The following UBA6 variants were observed in gnomAD, a reference collection of about 807,000 sequenced individuals.
UBA6 encodes ubiquitin like modifier activating enzyme 6, also known as ubiquitin-like modifier-activating enzyme 6.
In UBA6, 87 loss-of-function variants were observed where a neutral mutation model predicts 148.3. The ratio of observed to expected loss-of-function variants is 0.59; its 90% confidence interval spans 0.49 to 0.70. UBA6 has a LOEUF of 0.70. UBA6 is among the 30% of genes least tolerant of loss of function. UBA6 has a pLI of 0.00. For synonymous variants in UBA6, 376 were observed against 401.0 expected (o/e 0.94, Z 0.75); for missense variants, 1,186 against 1,241.2 (o/e 0.96, Z 0.67).
chr4:67,652,029 GC>G, intron 13 of UBA6, among the ~76,000 whole-genome samples: 1 of 152,076 alleles, frequency 6.6e-6, no homozygotes, highest in Admixed American at 6.5e-5. Context: ...TGCACCATAT[GC>G]AAAAATGAAC....
chr4:67,686,953 A>T (rs1240325384), intron 2 of UBA6, among the ~76,000 whole-genome samples: 4 of 24,898 alleles, frequency 1.6e-4, no homozygotes, highest in Non-Finnish European at 2.6e-4. Context: ...TCCTGTCTCT[A>T]AAAAAAAAAA....
chr4:67,671,480 G>A (rs1341714066), intron 7 of UBA6, among the ~76,000 whole-genome samples: 3 of 150,868 alleles, frequency 2.0e-5, no homozygotes, highest in Non-Finnish European at 3.0e-5. Flanking sequence ...CAGAAACTTA[G>A]AAGCTTTTTT....
At chr4:67,699,762 C>A (rs930616007) in intron 1 of UBA6, among the ~76,000 whole-genome samples, 2 of 152,062 alleles carry the variant, frequency 1.3e-5, no homozygotes, top group Non-Finnish European at 2.9e-5. Context: ...TCACCTACGC[C>A]CAGCTAATTT....
chr4:67,660,131 A>T (rs1729812438), intron 13 of UBA6, among the ~76,000 whole-genome samples: 1 of 152,340 alleles, frequency 6.6e-6, no homozygotes, highest in African/African-American at 2.4e-5. Flanking sequence ...TTTATGTTTA[A>T]AAGAGAAGCA....
rs1412303783 is a variant in UBA6, at chr4:67,618,495, CACCACT to C, written c.*496_*501del. 1 of 152,600 alleles carries C rather than the reference CACCACT, an allele frequency of 6.6e-6. No homozygotes were observed. The highest frequency in any genetic ancestry group is 1.5e-5 in the Non-Finnish European group (1 of 68,164). 9.5% of individuals were successfully genotyped at this position (152,600 alleles called of 1,614,324 possible). A position where few individuals can be genotyped will look rare whatever the true frequency, so the allele number is the denominator to read the frequency against. On this transcript the variant is annotated 3_prime_UTR_variant, in exon 33 of 33. Coordinates refer to ENST00000322244, the MANE Select transcript of UBA6 (RefSeq NM_018227.6). Reference sequence around the variant, plus strand: ...CAATTTAAAATATCCACCCTTCATCCACCACTACCATACTTCTTCCCAGTGGTATTA... The same window carrying C: ...CAATTTAAAATATCCACCCTTCATCCACCATACTTCTTCCCAGTGGTATTA...
At chr4:67,652,975 A>G (rs1308047453) in intron 13 of UBA6, among the ~76,000 whole-genome samples, 2 of 152,170 alleles carry the variant, frequency 1.3e-5, no homozygotes, top group Non-Finnish European at 2.9e-5. Context: ...GCGGGCATAC[A>G]GGTGTCCGCC....
chr4:67,628,364 A>G (rs1344580040), intron 27 of UBA6, among the ~76,000 whole-genome samples: 1 of 151,880 alleles, frequency 6.6e-6, no homozygotes, highest in Non-Finnish European at 1.5e-5. Flanking sequence ...CTTCTAGACG[A>G]GTCCTGACCT....
chr4:67,668,087 A>G (rs1404611581), intron 9 of UBA6, among the ~76,000 whole-genome samples: 1 of 152,166 alleles, frequency 6.6e-6, no homozygotes, highest in African/African-American at 2.4e-5. Context: ...TTGACTGACC[A>G]TGTAGAAATC....
intron 19 of UBA6, among the ~76,000 whole-genome samples, chr4:67,636,654 G>A (rs1467659773): frequency 1.3e-5 from 2 of 152,218 alleles, no homozygotes; most frequent in African/African-American, 4.8e-5. Context: ...TCGGCCTCCC[G>A]AAGTGCTGGG....
intron 6 of UBA6, among the ~76,000 whole-genome samples, chr4:67,675,136 T>C (rs1184285001): frequency 1.3e-5 from 2 of 152,236 alleles, no homozygotes; most frequent in Admixed American, 1.3e-4. Flanking sequence ...TCCAAAGTGC[T>C]GGGATATTTT....
At chr4:67,628,577 A>G (rs1728924725) in intron 27 of UBA6, among the ~76,000 whole-genome samples, 1 of 151,704 alleles carries the variant, frequency 6.6e-6, no homozygotes, top group Non-Finnish European at 1.5e-5. Flanking sequence ...TTACACTCAC[A>G]CTGCAATATT....
At chr4:67,651,388 A>G (rs557184110) in intron 13 of UBA6, among the ~76,000 whole-genome samples, 7 of 152,326 alleles carry the variant, frequency 4.6e-5, no homozygotes, top group Non-Finnish European at 8.8e-5. Context: ...AACTTTACTG[A>G]ATAATCAACT....
intron 26 of UBA6, 116 bp from the exon 27 acceptor site, chr4:67,629,258 A>C: frequency 1.5e-6 from 1 of 669,636 alleles, no homozygotes; most frequent in South Asian, 1.7e-5. Flanking sequence ...CATTATCTGA[A>C]TATGTAGACA....
intron 28 of UBA6, among the ~76,000 whole-genome samples, chr4:67,625,698 A>G (rs934318413): frequency 1.3e-5 from 2 of 151,884 alleles, no homozygotes; most frequent in Non-Finnish European, 2.9e-5. Context: ...ATTCTGGGTT[A>G]TTTTTCCTGA....
chr4:67,631,937 C>T, intron 23 of UBA6, 29 bp from the exon 24 acceptor site: 1 of 1,594,146 alleles, frequency 6.3e-7, no homozygotes, highest in Non-Finnish European at 8.6e-7. Context: ...TTAAAGACAC[C>T]CACTACTTAA....
chr4:67,678,981 G>C (rs1231388525), intron 4 of UBA6, among the ~76,000 whole-genome samples: 1 of 152,082 alleles, frequency 6.6e-6, no homozygotes, highest in African/African-American at 2.4e-5. Flanking sequence ...CACACTATTT[G>C]TAAGAGCAAA....
In UBA6 at chr4:67,649,053, A is replaced by C; in HGVS notation, c.1248+15T>G. On this transcript the variant is annotated intron_variant, in intron 14 of 32. Transcript: ENST00000322244. Reference sequence around the variant, plus strand: ...TCACGAGTAAAGAATTCAACTTTAAAAACTCAGAACTAACCCACTGGCACA... The same window carrying C: ...TCACGAGTAAAGAATTCAACTTTAACAACTCAGAACTAACCCACTGGCACA... The C allele has an allele frequency of 6.2e-7, 1 of 1,604,386 alleles. No homozygotes were observed. The highest frequency in any genetic ancestry group is 8.5e-7 in the Non-Finnish European group (1 of 1,177,028).
chr4:67,689,435 G>A (rs1730645385), intron 2 of UBA6, among the ~76,000 whole-genome samples: 1 of 151,966 alleles, frequency 6.6e-6, no homozygotes, highest in South Asian at 2.1e-4. Context: ...TTAATTTTCA[G>A]GAAAAATGAA....
chr4:67,650,150 G>A (rs887209157), intron 13 of UBA6, among the ~76,000 whole-genome samples: 2 of 152,028 alleles, frequency 1.3e-5, no homozygotes, highest in Non-Finnish European at 2.9e-5. Flanking sequence ...ATTGTTGGTG[G>A]TGATAATATT....
Sources: allele counts gnomAD v4.1 joint callset (sites outside exome capture counted in the v4.1 genomes callset), GRCh38; gene constraint gnomAD v4.1.1; transcripts MANE v1.5; gene names NCBI Gene and HGNC (gene_info 2026-07-23, HGNC 2026-07-21).